The following HS6ST2 variants were observed in gnomAD, a reference collection of about 807,000 sequenced individuals.
HS6ST2 encodes heparan sulfate 6-O-sulfotransferase 2, also known as heparan-sulfate 6-O-sulfotransferase 2.
A neutral mutation model predicts 33.0 loss-of-function variants in HS6ST2; 17 were observed. That is an observed-to-expected ratio of 0.52 (90% CI 0.35 to 0.77). HS6ST2 has a LOEUF of 0.77. Among genes scored for constraint, HS6ST2 ranks in the 30% least tolerant of loss-of-function variants. The pLI, the probability that HS6ST2 is intolerant of heterozygous loss-of-function variation, is 0.01. For synonymous variants in HS6ST2, 248 were observed against 237.1 expected (o/e 1.05, Z -0.42); for missense variants, 519 against 551.7 (o/e 0.94, Z 0.59).
At chrX:132,804,830 C>G (rs1207188229) in intron 2 of HS6ST2, among the ~76,000 whole-genome samples, 1 of 111,059 alleles carries the variant, frequency 9.0e-6, no homozygotes, top group Non-Finnish European at 1.9e-5. Flanking sequence ...GAAAAAGACA[C>G]AGGGCATTGG....
chrX:132,677,133 C>T (rs1008305376), intron 3 of HS6ST2, among the ~76,000 whole-genome samples: 2 of 112,240 alleles, frequency 1.8e-5, no homozygotes, highest in African/African-American at 6.5e-5. Context: ...GTGAACATTA[C>T]ACATTAGGGA....
At chrX:132,856,204 A>G (rs904094766) in intron 2 of HS6ST2, among the ~76,000 whole-genome samples, 2 of 112,350 alleles carry the variant, frequency 1.8e-5, no homozygotes, top group African/African-American at 6.5e-5. Context: ...ACTCACAGTC[A>G]GGAAATACGT....
chrX:132,736,565 G>T (rs760581220), intron 2 of HS6ST2, among the ~76,000 whole-genome samples: 1 of 111,610 alleles, frequency 9.0e-6, no homozygotes, highest in South Asian at 3.8e-4. Flanking sequence ...ATGTAGTAGC[G>T]CAGAGTGACT....
chrX:132,716,681 G>A (rs1341471747), intron 2 of HS6ST2, among the ~76,000 whole-genome samples: 1 of 112,308 alleles, frequency 8.9e-6, no homozygotes, highest in South Asian at 3.7e-4. Context: ...AAGAAAGAAC[G>A]AATAAGGAAT....
At chrX:132,841,136 T>C (rs1368570338) in intron 2 of HS6ST2, among the ~76,000 whole-genome samples, 1 of 112,046 alleles carries the variant, frequency 8.9e-6, no homozygotes, top group African/African-American at 3.2e-5. Context: ...AATGAGCTAG[T>C]ACTCTTACGT....
intron 2 of HS6ST2, among the ~76,000 whole-genome samples, chrX:132,795,696 C>T (rs1429000138): frequency 9.0e-6 from 1 of 110,771 alleles, no homozygotes; most frequent in Non-Finnish European, 1.9e-5. Context: ...GCCTCAAGCT[C>T]CCCAGGCTCA....
At chrX:132,771,032 T>C (rs1231011016) in intron 2 of HS6ST2, among the ~76,000 whole-genome samples, 4 of 111,762 alleles carry the variant, frequency 3.6e-5, no homozygotes, top group African/African-American at 1.3e-4. Flanking sequence ...CATAATACGA[T>C]GTATGGTGAG....
At chrX:132,649,333 T>C (rs964441682) in intron 4 of HS6ST2, among the ~76,000 whole-genome samples, 14 of 111,871 alleles carry the variant, frequency 1.3e-4, no homozygotes, top group African/African-American at 3.9e-4. Context: ...ATGGGGTAAA[T>C]GTCACTGTAG....
chrX:132,811,380 A>T (rs1378543648), intron 2 of HS6ST2, among the ~76,000 whole-genome samples: 1 of 109,450 alleles, frequency 9.1e-6, no homozygotes, highest in Non-Finnish European at 1.9e-5. Context: ...TATTAAGTAT[A>T]TAGTTCAGTG....
intron 2 of HS6ST2, among the ~76,000 whole-genome samples, chrX:132,865,447 T>A (rs1185289519): frequency 9.1e-6 from 1 of 109,789 alleles, no homozygotes. Flanking sequence ...TACGTGTGCA[T>A]GTGTCTTTAT....
At chrX:132,665,171 T>C (rs920127616) in intron 4 of HS6ST2, among the ~76,000 whole-genome samples, 4 of 112,055 alleles carry the variant, frequency 3.6e-5, no homozygotes, top group Admixed American at 9.4e-5. Context: ...TGATTCTAAT[T>C]TTTCCAAAAA....
intron 2 of HS6ST2, among the ~76,000 whole-genome samples, chrX:132,792,822 A>G (rs1460802995): frequency 3.6e-5 from 4 of 110,962 alleles, no homozygotes; most frequent in Non-Finnish European, 7.5e-5. Context: ...GTTGTAGCAT[A>G]TATCAGTCCT....
chrX:132,780,999 T>A (rs958855308), intron 2 of HS6ST2, among the ~76,000 whole-genome samples: 4 of 112,207 alleles, frequency 3.6e-5, no homozygotes, highest in Non-Finnish European at 3.8e-5. Context: ...GACAGCATAC[T>A]GTGGCACATG....
intron 3 of HS6ST2, among the ~76,000 whole-genome samples, chrX:132,706,743 A>G (rs2064191698): frequency 8.9e-6 from 1 of 112,525 alleles, no homozygotes; most frequent in Non-Finnish European, 1.9e-5. Flanking sequence ...ATAATCTTGT[A>G]TATTTATGAA....
At chrX:132,956,506 G>A (rs1458753658) in intron 2 of HS6ST2, among the ~76,000 whole-genome samples, 7 of 112,078 alleles carry the variant, frequency 6.2e-5, no homozygotes, top group African/African-American at 1.3e-4. Context: ...GACTGAGTAC[G>A]ATGCCCCGTC....
chrX:132,776,184 G>A (rs1290167103), intron 2 of HS6ST2, among the ~76,000 whole-genome samples: 1 of 112,068 alleles, frequency 8.9e-6, no homozygotes, highest in Non-Finnish European at 1.9e-5. Flanking sequence ...AAAATTGATT[G>A]AGAACATTTT....
chrX:132,748,996 C>A (rs183810873), intron 2 of HS6ST2, among the ~76,000 whole-genome samples: 8 of 111,588 alleles, frequency 7.2e-5, no homozygotes, highest in Non-Finnish European at 1.5e-4. Context: ...CATCTCTAAA[C>A]CGAGATTCCC....
chrX:132,724,297 C>A, intron 2 of HS6ST2, among the ~76,000 whole-genome samples: 1 of 112,242 alleles, frequency 8.9e-6, no homozygotes, highest in Non-Finnish European at 1.9e-5. Context: ...AACTGGTAAA[C>A]AAATTCAGTA....
chrX:132,665,017 A>G (rs777032311), intron 4 of HS6ST2, among the ~76,000 whole-genome samples: 1 of 112,063 alleles, frequency 8.9e-6, no homozygotes, highest in East Asian at 2.8e-4. Context: ...GAGGCTTGAG[A>G]TGGCTCAACA....
Sources: gnomAD v4.1 joint callset for allele counts (sites outside exome capture counted in the v4.1 genomes callset) on GRCh38, gnomAD v4.1.1 for gene constraint, MANE v1.5 for transcripts, NCBI Gene and HGNC (gene_info 2026-07-23, HGNC 2026-07-21) for gene names.